Variants in ZSCAN18 observed in about 807,000 individuals in gnomAD.
ZSCAN18 encodes zinc finger and SCAN domain containing 18, also known as zinc finger and SCAN domain-containing protein 18.
A neutral mutation model predicts 31.1 loss-of-function variants in ZSCAN18; 16 were observed. The ratio of observed to expected loss-of-function variants is 0.51; its 90% confidence interval spans 0.35 to 0.78. ZSCAN18 has a LOEUF of 0.78. Among genes scored for constraint, ZSCAN18 ranks in the 30% least tolerant of loss-of-function variants. ZSCAN18 has a pLI of 0.01. For synonymous variants in ZSCAN18, 375 were observed against 320.7 expected (o/e 1.17, Z -1.81); for missense variants, 731 against 697.4 (o/e 1.05, Z -0.54).
intron 2 of ZSCAN18, 46 bp from the exon 3 acceptor site, chr19:58,088,883 T>C (rs768099998): frequency 2.5e-6 from 4 of 1,573,128 alleles, no homozygotes; most frequent in Non-Finnish European, 3.5e-6. Context: ...TCAGGACACG[T>C]GCCAACAACA....
intron 1 of ZSCAN18, among the ~76,000 whole-genome samples, chr19:58,103,868 T>A (rs891522285): frequency 6.6e-6 from 1 of 152,050 alleles, no homozygotes; most frequent in African/African-American, 2.4e-5. Context: ...AGAGAAAAAC[T>A]TGAGGGAAAT....
At chr19:58,087,089 A>T in intron 4 of ZSCAN18, 81 bp from the exon 5 acceptor site, 2 of 1,268,260 alleles carry the variant, frequency 1.6e-6, no homozygotes, top group Non-Finnish European at 2.2e-6. Context: ...CCACAGGAGC[A>T]GGCTAGGAGC....
At chr19:58,086,462 G>C in intron 5 of ZSCAN18, 196 bp from the exon 6 acceptor site, 1 of 529,550 alleles carries the variant, frequency 1.9e-6, no homozygotes, top group Non-Finnish European at 3.4e-6. Flanking sequence ...AGGGCAACGG[G>C]GCAGGCGGAG....
chr19:58,114,919 A>G (rs1182778943), intron 1 of ZSCAN18, among the ~76,000 whole-genome samples: 1 of 152,244 alleles, frequency 6.6e-6, no homozygotes, highest in Admixed American at 6.5e-5. Flanking sequence ...CAGGTTTCTC[A>G]AAAGGCATTC....
rs747525190 is a variant in ZSCAN18 at position 58,090,009 on chromosome 19, G to C, written c.259C>G (p.Gln87Glu). Reference protein sequence around the residue: ...WLMPEARSKEQMLELLVLEQF... With the variant: ...WLMPEARSKEEMLELLVLEQF... ...TCCAGCACCAGCAGCTCCAGCATCT[G>C]CTCCTTGGAGCGCGCCTCAGGCATC... Residue 87 changes from glutamine (Q) to glutamate (E), a missense_variant, in exon 2 of 7, where the codon CAG (glutamine) becomes GAG (glutamate). Gln to Glu is a conservative substitution (Grantham distance 29). This residue lies in a region of ZSCAN18 where 86 missense variants were observed against 119.1 expected (regional missense o/e 0.72). Transcript: ENST00000601144. The surrounding 1 kb of genome is among the most constrained non-coding windows in gnomAD (Gnocchi z 4.7). 3 of 1,613,928 alleles carry C rather than the reference G, an allele frequency of 1.9e-6. No individual in the cohort carries two copies. Among genetic ancestry groups the C allele is most frequent in the African/African-American group, 2.7e-5 (2 of 74,950 alleles).
upstream of ZSCAN18, among the ~76,000 whole-genome samples, chr19:58,099,909 G>A (rs1009810851): frequency 6.7e-6 from 1 of 148,886 alleles, no homozygotes; most frequent in Non-Finnish European, 1.5e-5. Context: ...GTATCTGTTC[G>A]TATCTTTTGC....
At chr19:58,103,933 C>T (rs911241343) in intron 1 of ZSCAN18, among the ~76,000 whole-genome samples, 1 of 152,168 alleles carries the variant, frequency 6.6e-6, no homozygotes, top group African/African-American at 2.4e-5. Context: ...ACAGCCTTGT[C>T]GCCAATAGGG....
In ZSCAN18 at chr19:58,084,792, C is replaced by T; in HGVS notation, c.1426G>A (p.Gly476Ser). ...GCTTCGCGGGTGGACGGTTGGGGGC[C>T]CCGGGCGCCCCCCAGCGCGTAGCTT... is the stretch of plus-strand genomic sequence containing the variant. ...EKSYALGGAR[G>S]PQPSTREAQA... is the part of the protein sequence containing the mutation. The change falls in exon 7 of 7, where the codon GGC (glycine) becomes AGC (serine). Residue 476 changes from glycine to serine, a missense_variant. Coordinates refer to ENST00000601144, the MANE Select transcript of ZSCAN18 (RefSeq NM_001145543.2). The surrounding 1 kb of genome is among the most constrained non-coding windows in gnomAD (Gnocchi z 4.5). 1 of 1,577,494 alleles carries T rather than the reference C, an allele frequency of 6.3e-7. No homozygotes were observed. Among genetic ancestry groups the T allele is most frequent in the South Asian group, 1.1e-5 (1 of 87,668 alleles).
upstream of ZSCAN18, among the ~76,000 whole-genome samples, chr19:58,103,054 G>T (rs538475932): frequency 1.5e-4 from 23 of 152,030 alleles, no homozygotes; most frequent in East Asian, 4.5e-3. Context: ...CCTGGCAGGT[G>T]GAGGCTACAG....
At chr19:58,087,624 A>T in intron 3 of ZSCAN18, 1 of 522,486 alleles carries the variant, frequency 1.9e-6, no homozygotes, top group Non-Finnish European at 3.4e-6. Context: ...AGTCCACTGG[A>T]TTCATGGAAA....
In ZSCAN18 at chr19:58,087,417, A is replaced by G. The variant is rs2260914; in HGVS notation, c.554-13T>C. The stretch of plus-strand genomic sequence containing the variant: ...GGAGAAAGCCAGGCTGGGGAGAAGG[A>G]GAGGCAGAGCTGAGGCAATGAGCTC... On this transcript the variant is annotated splice_polypyrimidine_tract_variant and intron_variant, in intron 3 of 6. Coordinates refer to ENST00000601144, the MANE Select transcript of ZSCAN18 (RefSeq NM_001145543.2). 1,219,309 of 1,588,660 alleles carry G rather than the reference A, an allele frequency of 0.77. 469,118 individuals are homozygous for G. Among genetic ancestry groups the G allele is most frequent in the Middle Eastern group, 0.85 (5,057 of 5,982 alleles).
intron 2 of ZSCAN18, 64 bp downstream of exon 2, chr19:58,089,801 T>A: frequency 6.5e-7 from 1 of 1,530,714 alleles, no homozygotes; most frequent in Non-Finnish European, 8.8e-7. Context: ...TGGCTGGCAC[T>A]GGGGCCTTCC....
Position 58,090,144 on chromosome 19 carries a change from G to C in ZSCAN18, c.124C>G (p.Pro42Ala). The C allele has an allele frequency of 6.2e-7, 1 of 1,613,830 alleles. No individual in the cohort carries two copies. The highest frequency in any genetic ancestry group is 8.5e-7 in the Non-Finnish European group (1 of 1,179,924). ...AGGCGGGAGAACTCCAGGTCAGCAGGGGTCCTCTCAGGGATGGTCTCGGGT... is the reference window on the plus strand; with the variant it reads ...AGGCGGGAGAACTCCAGGTCAGCAGCGGTCCTCTCAGGGATGGTCTCGGGT... Reference protein sequence around the residue: ...EEPETIPERTPADLEFSRLRF... With the variant: ...EEPETIPERTAADLEFSRLRF... Residue 42 changes from proline to alanine, a missense_variant, in exon 2 of 7, where the codon CCT becomes GCT. Physicochemically the swap from Pro to Ala is conservative, Grantham distance 27. This residue lies in a region of ZSCAN18 where 86 missense variants were observed against 119.1 expected (regional missense o/e 0.72). Coordinates refer to ENST00000601144, the MANE Select transcript of ZSCAN18 (RefSeq NM_001145543.2). The surrounding 1 kb of genome is among the most constrained non-coding windows in gnomAD (Gnocchi z 4.7).
chr19:58,085,356 C>G lies in ZSCAN18; in HGVS notation c.862G>C (p.Ala288Pro). ...GCGGCCTCCTCGCAGGCGCACCCAG[C>G]GCTCTCCTGCCGCCTCCCGCCTTCT... ...LPEGGRRQES[A>P]GCACEEAAPA... Residue 288 changes from alanine (A) to proline (P), a missense_variant, in exon 7 of 7, where the codon GCT becomes CCT. This residue lies in a region of ZSCAN18 where 597 missense variants were observed against 499.5 expected (regional missense o/e 1.20). Coordinates refer to ENST00000601144, the MANE Select transcript of ZSCAN18 (RefSeq NM_001145543.2). 1 of 1,591,358 alleles carries G rather than the reference C, an allele frequency of 6.3e-7. No individual in the cohort carries two copies. Among genetic ancestry groups the G allele is most frequent in the Non-Finnish European group, 8.5e-7 (1 of 1,177,156 alleles).
Position 58,115,047 on chromosome 19 carries a change from C to A in ZSCAN18, c.130+3220G>T, listed in dbSNP as rs184714108. On this transcript the variant is annotated intron_variant, in intron 1 of 1. Transcript: ENST00000595721. ...GCTAGTTTGTAAGGCCCTTTCCAGGCAATAGGTTTTGTTGCAGGACACTAA... is the reference window on the plus strand; with the variant it reads ...GCTAGTTTGTAAGGCCCTTTCCAGGAAATAGGTTTTGTTGCAGGACACTAA... Among the ~76,000 whole-genome samples the A allele has an allele frequency of 9.3e-4, 142 of 152,308 alleles. 1 individual carries two copies. The highest frequency in any genetic ancestry group is 5.8e-3 in the South Asian group (28 of 4,832).
rs556524688 is a variant in ZSCAN18, at chr19:58,116,693, A to T, written c.130+1574T>A. On this transcript the variant is annotated intron_variant, in intron 1 of 1. Transcript: ENST00000595721. ...ATCATCACCTGCAACCCAGCAGCAA[A>T]CAGTCCTTAGCCTAGCAGCCCCAGT... Among the ~76,000 whole-genome samples the T allele has an allele frequency of 3.3e-5, 5 of 152,162 alleles. No individual in the cohort carries two copies. The South Asian group carries it at 6.2e-4, about 19-fold the overall frequency.
At chr19:58,089,317 A>T (rs1279367182) in intron 2 of ZSCAN18, among the ~76,000 whole-genome samples, 1 of 117,920 alleles carries the variant, frequency 8.5e-6, no homozygotes, top group African/African-American at 3.8e-5. Context: ...AAAAAAAAAA[A>T]AAAAAAAAAA....
At chr19:58,086,840 T>C in intron 5 of ZSCAN18, 66 bp downstream of exon 5, 1 of 1,289,928 alleles carries the variant, frequency 7.8e-7, no homozygotes, top group Non-Finnish European at 1.1e-6. Context: ...GGTCACAGTC[T>C]CCTGCACCAA....
chr19:58,108,358 T>C (rs2074652743), intron 1 of ZSCAN18: 4 of 985,360 alleles, frequency 4.1e-6, no homozygotes. Flanking sequence ...TTTTCCACAG[T>C]ATGACTTCTG....
Sources: allele counts gnomAD v4.1 joint callset (sites outside exome capture counted in the v4.1 genomes callset), GRCh38; gene constraint gnomAD v4.1.1; regional missense constraint gnomAD v4.1.1; non-coding constraint Gnocchi (gnomAD v3.1); transcripts MANE v1.5; gene names NCBI Gene and HGNC (gene_info 2026-07-23, HGNC 2026-07-21).